The following ELAVL2 variants were observed in gnomAD, a reference collection of about 807,000 sequenced individuals.
ELAVL2 encodes ELAV-like protein 2.
Under a neutral mutation model 34.6 loss-of-function variants are expected in ELAVL2, and 4 were observed. The observed-to-expected ratio is 0.12, with a 90% CI of 0.06 to 0.26. The LOEUF (loss-of-function observed/expected upper bound fraction) is 0.26, where lower values mean the gene tolerates loss of function less well. Ranked by LOEUF, ELAVL2 falls within the 10% of genes least tolerant of loss-of-function variation. The pLI, the probability that ELAVL2 is intolerant of heterozygous loss-of-function variation, is 1.00. For synonymous variants in ELAVL2, 193 were observed against 154.8 expected (o/e 1.25, Z -1.83); for missense variants, 432 against 442.8 (o/e 0.98, Z 0.22).
chr9:23,714,001 C>A (rs2041687835), intron 3 of ELAVL2, among the ~76,000 whole-genome samples: 1 of 152,124 alleles, frequency 6.6e-6, no homozygotes, highest in Non-Finnish European at 1.5e-5. Flanking sequence ...GGAAACCTTA[C>A]AAGTATTAAA....
At chr9:23,779,467 C>T (rs1588427055) in intron 1 of ELAVL2, 3 of 954,076 alleles carry the variant, frequency 3.1e-6, no homozygotes, top group East Asian at 1.2e-4. Flanking sequence ...AGTGGGTGGG[C>T]GGGCTTCCTT....
At chr9:23,724,779 A>C (rs909070961) in intron 3 of ELAVL2, among the ~76,000 whole-genome samples, 12 of 152,190 alleles carry the variant, frequency 7.9e-5, no homozygotes, top group Non-Finnish European at 1.6e-4. Context: ...AAGTTAGGAA[A>C]ACATGTACTC....
chr9:23,815,550 T>C (rs1184067295), intron 1 of ELAVL2, among the ~76,000 whole-genome samples: 1 of 152,212 alleles, frequency 6.6e-6, no homozygotes, highest in East Asian at 1.9e-4. Flanking sequence ...AACCACCTAC[T>C]ACCACCTTTC....
rs569650294 is a variant in ELAVL2 at position 23,737,641 on chromosome 9, A to G, written c.230-6516T>C. Among the ~76,000 whole-genome samples the G allele has an allele frequency of 9.8e-5, 15 of 152,358 alleles. No homozygotes were observed. The East Asian group carries it at 2.7e-3, about 27-fold the overall frequency. On this transcript the variant is annotated intron_variant, in intron 2 of 6. Transcript: ENST00000397312. ...AAATAAAATGCAGAGTGAATTCTGT[A>G]AAAACCTGGTAGTTGAATCAACAAT...
intron 1 of ELAVL2, among the ~76,000 whole-genome samples, chr9:23,815,915 G>C (rs2063640806): frequency 6.6e-6 from 1 of 152,114 alleles, no homozygotes; most frequent in Non-Finnish European, 1.5e-5. Flanking sequence ...CTTAGAGTCA[G>C]TCATCCTTCA....
At chr9:23,830,601 T>TACTTACACACACAC (rs2065467446), upstream of ELAVL2, among the ~76,000 whole-genome samples, 1 of 133,182 alleles carries the variant, frequency 7.5e-6, no homozygotes, top group East Asian at 2.2e-4. Context: ...GCCCCCCACT[T>TACTTACACACACAC]ACACACACAC....
intron 1 of ELAVL2, among the ~76,000 whole-genome samples, chr9:23,825,444 G>A (rs1016074806): frequency 6.6e-6 from 1 of 152,078 alleles, no homozygotes; most frequent in African/African-American, 2.4e-5. Context: ...CCGTTGCTGA[G>A]CCAAAGTAGA....
intron 1 of ELAVL2, among the ~76,000 whole-genome samples, chr9:23,777,482 C>T (rs1267967501): frequency 6.6e-6 from 1 of 152,120 alleles, no homozygotes; most frequent in African/African-American, 2.4e-5. Flanking sequence ...ACCCTTCTGC[C>T]CCACCCAAGC....
intron 2 of ELAVL2, among the ~76,000 whole-genome samples, chr9:23,734,959 A>C (rs2047463803): frequency 6.6e-6 from 1 of 151,980 alleles, no homozygotes; most frequent in Admixed American, 6.6e-5. Flanking sequence ...CTGAATTTAG[A>C]ATGTGCATAC....
chr9:23,749,163 AT>A (rs758315416), intron 2 of ELAVL2, among the ~76,000 whole-genome samples: 1 of 152,052 alleles, frequency 6.6e-6, no homozygotes, highest in Non-Finnish European at 1.5e-5. Context: ...CAATAAAAAC[AT>A]TTCTTTTTAA....
chr9:23,746,824 A>G (rs1187485469), intron 2 of ELAVL2, among the ~76,000 whole-genome samples: 1 of 151,628 alleles, frequency 6.6e-6, no homozygotes, highest in Admixed American at 6.6e-5. Flanking sequence ...GAAAAAGAAA[A>G]AAAAAAAAAA....
chr9:23,805,780 C>G (rs953034918), intron 1 of ELAVL2, among the ~76,000 whole-genome samples: 1 of 152,172 alleles, frequency 6.6e-6, no homozygotes, highest in Non-Finnish European at 1.5e-5. Flanking sequence ...AATGACTGGC[C>G]CAGTGGTCAT....
chr9:23,765,222 T>A (rs988435962), intron 1 of ELAVL2: 2 of 821,846 alleles, frequency 2.4e-6, no homozygotes, highest in South Asian at 4.1e-5. Flanking sequence ...TGTGGCTTAA[T>A]TGAAATTGAG....
intron 1 of ELAVL2, among the ~76,000 whole-genome samples, chr9:23,825,386 T>C (rs75631349): frequency 0.012 from 1,768 of 152,278 alleles, 30 homozygotes; most frequent in African/African-American, 0.041. Context: ...AATCTGCCAG[T>C]CCAGGCTTCT....
At chr9:23,819,689 C>T (rs1001146423) in intron 1 of ELAVL2, among the ~76,000 whole-genome samples, 15 of 152,098 alleles carry the variant, frequency 9.9e-5, no homozygotes, top group African/African-American at 3.6e-4. Flanking sequence ...CACAAAGTTA[C>T]CCAAATAACA....
intron 2 of ELAVL2, among the ~76,000 whole-genome samples, chr9:23,739,444 G>A (rs1289870371): frequency 2.6e-5 from 4 of 152,066 alleles, no homozygotes; most frequent in African/African-American, 9.7e-5. Context: ...AACAACTCTA[G>A]GCTAGTCCAA....
At chr9:23,846,782 T>C in the ELAVL2 span, among the ~76,000 whole-genome samples, 1 of 152,096 alleles carries the variant, frequency 6.6e-6, no homozygotes, top group African/African-American at 2.4e-5. Context: ...AAATGTTGTA[T>C]TGCAAAAGTG....
At chr9:23,693,010 A>C in intron 6 of ELAVL2, 126 bp from the exon 7 acceptor site, 2 of 849,226 alleles carry the variant, frequency 2.4e-6, no homozygotes, top group Non-Finnish European at 3.6e-6. Flanking sequence ...CAACAAATAT[A>C]TAAACTATTT....
chr9:23,784,961 G>A (rs1478961443), intron 1 of ELAVL2, among the ~76,000 whole-genome samples: 2 of 152,190 alleles, frequency 1.3e-5, no homozygotes, highest in African/African-American at 2.4e-5. Flanking sequence ...TGAGTTTTTT[G>A]TAAAGTGAAA....
Sources: allele counts gnomAD v4.1 joint callset (sites outside exome capture counted in the v4.1 genomes callset), GRCh38; gene constraint gnomAD v4.1.1; transcripts MANE v1.5; gene names NCBI Gene and HGNC (gene_info 2026-07-23, HGNC 2026-07-21).